The following GNAS variants were observed in gnomAD, a reference collection of about 807,000 sequenced individuals.
GNAS encodes protein ALEX.
GNAS carries 8 observed loss-of-function variants against 54.5 expected under a neutral mutation model. The observed-to-expected ratio is 0.15, with a 90% CI of 0.09 to 0.26. GNAS has a LOEUF of 0.26. Among genes scored for constraint, GNAS ranks in the 10% least tolerant of loss-of-function variants. GNAS has a pLI of 1.00. For synonymous variants in GNAS, 204 were observed against 191.4 expected (o/e 1.07, Z -0.54); for missense variants, 170 against 529.8 (o/e 0.32, Z 6.67).
chr20:58,903,543 C>G lies in GNAS; in HGVS notation c.270C>G (p.Thr90=). The change falls in exon 4 of 13, where the codon ACC becomes ACG. Residue 90 remains threonine, a synonymous_variant. Transcript: ENST00000371085. The part of the protein sequence containing the change: ...ARSNSDGEKA[T]KVQDIKNNLK... ...AATCCCACTGCAGTGAGAAGGCAACCAAAGTGCAGGACATCAAAAACAACC... is the reference window on the plus strand; with the variant it reads ...AATCCCACTGCAGTGAGAAGGCAACGAAAGTGCAGGACATCAAAAACAACC... 6.2e-7 allele frequency: 1 copy of G among 1,613,932 alleles called. No individual in the cohort carries two copies. Among genetic ancestry groups the G allele is most frequent in the Non-Finnish European group, 8.5e-7 (1 of 1,179,838 alleles).
upstream of GNAS, chr20:58,840,732 A>T: frequency 6.2e-7 from 1 of 1,604,920 alleles, no homozygotes; most frequent in Non-Finnish European, 8.5e-7. This position sits in a 1 kb window ranked among gnomAD's most constrained non-coding sequence, Gnocchi z 6.0. Context: ...GAGTCGAAGG[A>T]GCCCAAGGAG....
chr20:58,910,709 G>T lies in GNAS; in HGVS notation c.1065G>T (p.Gly355=), dbSNP rs1272966324. The T allele has an allele frequency of 1.4e-5, 22 of 1,614,054 alleles. No homozygotes were observed. The highest frequency in any genetic ancestry group is 1.9e-5 in the Non-Finnish European group (22 of 1,180,028). ...FLRISTASGD[G]RHYCYPHFTC... is the part of the protein sequence containing the mutation. ...GGATCAGCACTGCCAGTGGAGATGG[G>T]CGTCACTACTGCTACCCTCATTTCA... Residue 355 remains glycine, a synonymous_variant, in exon 13 of 13, where the codon GGG becomes GGT. Transcript: ENST00000371085. This position sits in a 1 kb window ranked among gnomAD's most constrained non-coding sequence, Gnocchi z 5.8.
chr20:58,868,432 G>A (rs974917966), intron 1 of GNAS, among the ~76,000 whole-genome samples: 1 of 151,850 alleles, frequency 6.6e-6, no homozygotes, highest in Non-Finnish European at 1.5e-5. Flanking sequence ...GGGATTACAG[G>A]CGTGAACCAC....
chr20:58,840,478 C>A, upstream of GNAS: 2 of 1,613,588 alleles, frequency 1.2e-6, no homozygotes, highest in East Asian at 4.5e-5. This position sits in a 1 kb window ranked among gnomAD's most constrained non-coding sequence, Gnocchi z 6.0. Flanking sequence ...CCGAGACCGA[C>A]TTCGAGACCG....
chr20:58,852,133 G>A (rs916169476), intron 1 of GNAS, among the ~76,000 whole-genome samples: 1 of 151,904 alleles, frequency 6.6e-6, no homozygotes, highest in South Asian at 2.1e-4. Context: ...CTACTCCCTA[G>A]GGGGCTTTGC....
At chr20:58,888,173 G>A (rs1259782673), upstream of GNAS, among the ~76,000 whole-genome samples, 2 of 152,128 alleles carry the variant, frequency 1.3e-5, no homozygotes, top group East Asian at 3.9e-4. Context: ...AGAAAAAGTT[G>A]GAAGACAGTT....
At chr20:58,897,061 T>C (rs2090134069) in intron 2 of GNAS, among the ~76,000 whole-genome samples, 1 of 152,200 alleles carries the variant, frequency 6.6e-6, no homozygotes, top group Admixed American at 6.5e-5. Flanking sequence ...ATAGTCCTGT[T>C]AGTTGAGGAT....
Position 58,864,975 on chromosome 20 carries a change from A to ACT in GNAS, c.43+24106_43+24107dup, listed in dbSNP as rs113376325. On this transcript the variant is annotated intron_variant, in intron 1 of 12. Transcript: ENST00000306090. ...CACACACAAACACACACGCACGCAC[A>ACT]CTCTCTCTCTCTCTCTCTGACAACC... Among the ~76,000 whole-genome samples the ACT allele has an allele frequency of 1.8e-3, 263 of 147,776 alleles. 1 individual carries two copies. The highest frequency in any genetic ancestry group is 4.9e-3 in the African/African-American group (199 of 40,396).
chr20:58,897,280 C>A (rs1052001142), intron 2 of GNAS, among the ~76,000 whole-genome samples: 4 of 152,222 alleles, frequency 2.6e-5, no homozygotes, highest in Non-Finnish European at 5.9e-5. Context: ...GCCATCCTGA[C>A]AATAAATAAA....
chr20:58,840,896 C>A lies in GNAS; in HGVS notation c.43+10C>A. The A allele has an allele frequency of 6.2e-7, 1 of 1,612,176 alleles. No homozygotes were observed. The highest frequency in any genetic ancestry group is 1.1e-5 in the South Asian group (1 of 90,920). On this transcript the variant is annotated intron_variant, in intron 1 of 12. Transcript: ENST00000306090. This position sits in a 1 kb window ranked among gnomAD's most constrained non-coding sequence, Gnocchi z 6.0. ...GTTTTCATGGATTCAGGTTAGTTGC[C>A]CACCGCTAAACTGGGGAGCCTGAGG... is the stretch of plus-strand genomic sequence containing the variant.
At chr20:58,866,973 T>C (rs1451319802) in intron 1 of GNAS, among the ~76,000 whole-genome samples, 1 of 152,212 alleles carries the variant, frequency 6.6e-6, no homozygotes, top group African/African-American at 2.4e-5. Context: ...TGATAAATTA[T>C]ATATCAGACA....
chr20:58,877,052 G>A (rs1390546543), intron 1 of GNAS: 1 of 152,278 alleles, frequency 6.6e-6, no homozygotes, highest in African/African-American at 2.4e-5. Flanking sequence ...AATGAGAGAA[G>A]CGAAGAGGAG....
Position 58,853,729 on chromosome 20 carries a change from G to A in GNAS, c.43+12843G>A. 1 of 1,613,842 alleles carries A rather than the reference G, an allele frequency of 6.2e-7. No homozygotes were observed. Among genetic ancestry groups the A allele is most frequent in the Non-Finnish European group, 8.5e-7 (1 of 1,179,878 alleles). ...GCCAGACCAGGCCTGGGAGGATACA[G>A]CCCTCCACCAGAAGAAGCTATGCCC... On this transcript the variant is annotated intron_variant, in intron 1 of 12. Transcript: ENST00000306090. This position sits in a 1 kb window ranked among gnomAD's most constrained non-coding sequence, Gnocchi z 4.4.
chr20:58,855,395 A>C, intron 1 of GNAS: 5 of 1,391,456 alleles, frequency 3.6e-6, no homozygotes, highest in Non-Finnish European at 5.0e-6. Context: ...AGGGGGTGGC[A>C]GGGCTGCCTG....
At chr20:58,906,752 G>A (rs1313624141) in intron 6 of GNAS, among the ~76,000 whole-genome samples, 2 of 152,140 alleles carry the variant, frequency 1.3e-5, no homozygotes, top group East Asian at 1.9e-4. Context: ...GGCTGGTCTC[G>A]AACTCCTGAC....
At chr20:58,854,205 G>A (rs1482799690) in intron 1 of GNAS, 11 of 1,613,066 alleles carry the variant, frequency 6.8e-6, no homozygotes, top group East Asian at 6.7e-5. Flanking sequence ...GATTGGCAGC[G>A]CCCCCGCTGG....
In GNAS at chr20:58,853,330, T is replaced by C. The variant is rs1270579589; in HGVS notation, c.43+12444T>C. ...GGACAACGCGATATCCCCCCTGAAA[T>C]CGGGGAACAGCCCGAGCAACCACCT... On this transcript the variant is annotated intron_variant, in intron 1 of 12. Coordinates refer to the GNAS transcript ENST00000306090. The surrounding 1 kb of genome is among the most constrained non-coding windows in gnomAD (Gnocchi z 4.4). 1 of 1,550,532 alleles carries C rather than the reference T, an allele frequency of 6.4e-7. No individual in the cohort carries two copies. Among genetic ancestry groups the C allele is most frequent in the Admixed American group, 2.0e-5 (1 of 51,036 alleles).
At chr20:58,890,003 A>G (rs567082016), upstream of GNAS, among the ~76,000 whole-genome samples, 2 of 151,560 alleles carry the variant, frequency 1.3e-5, no homozygotes, top group South Asian at 4.1e-4. Context: ...CCGAGCCGAG[A>G]GAGCCGCTCG....
chr20:58,858,370 A>AAGAG (rs139713343), intron 1 of GNAS, among the ~76,000 whole-genome samples: 4 of 151,024 alleles, frequency 2.6e-5, no homozygotes, highest in African/African-American at 4.9e-5. Flanking sequence ...TAAGAAATCA[A>AAGAG]AGAGAGAGAG....
Sources: allele counts gnomAD v4.1 joint callset (sites outside exome capture counted in the v4.1 genomes callset), GRCh38; gene constraint gnomAD v4.1.1; non-coding constraint Gnocchi (gnomAD v3.1); transcripts MANE v1.5; gene names NCBI Gene and HGNC (gene_info 2026-07-23, HGNC 2026-07-21).